The following ARHGEF17 variants were observed in gnomAD, a reference collection of about 807,000 sequenced individuals.
ARHGEF17 encodes the protein Rho guanine nucleotide exchange factor 17, also known as 164 kDa Rho-specific guanine-nucleotide exchange factor.
ARHGEF17 carries 80 observed loss-of-function variants against 174.0 expected under a neutral mutation model. The ratio of observed to expected loss-of-function variants is 0.46; its 90% CI spans 0.38 to 0.55. The LOEUF (loss-of-function observed/expected upper bound fraction) is 0.55. Among genes scored for constraint, ARHGEF17 ranks in the 20% least tolerant of loss-of-function variants. The pLI is 0.00. For missense variants in ARHGEF17, 2,886 were observed against 2,839.7 expected (o/e 1.02, Z -0.37); for synonymous variants, 1,311 against 1,189.1 (o/e 1.10, Z -2.11).
At chr11:73,326,435 C>T (rs570520695) in intron 1 of ARHGEF17, among the ~76,000 whole-genome samples, 2 of 152,252 alleles carry the variant, frequency 1.3e-5, no homozygotes, top group African/African-American at 4.8e-5. Context: ...TGGTAATTTC[C>T]AAGCTCACGG....
At chr11:73,343,249 C>G in intron 1 of ARHGEF17, 2 of 398,782 alleles carry the variant, frequency 5.0e-6, no homozygotes, top group Non-Finnish European at 8.8e-6. Flanking sequence ...GGCAGCAGCA[C>G]TGACGCCGAG....
intron 2 of ARHGEF17, among the ~76,000 whole-genome samples, chr11:73,347,574 A>G (rs938782070): frequency 6.6e-6 from 1 of 152,226 alleles, no homozygotes; most frequent in Non-Finnish European, 1.5e-5. Flanking sequence ...GAGGCCTGGC[A>G]CATTCGGAGG....
At chr11:73,324,878 C>T (rs900716831) in intron 1 of ARHGEF17, among the ~76,000 whole-genome samples, 1 of 152,196 alleles carries the variant, frequency 6.6e-6, no homozygotes, top group African/African-American at 2.4e-5. Context: ...TTGAGAGGCC[C>T]TTGGGGAGTG....
intron 1 of ARHGEF17, among the ~76,000 whole-genome samples, chr11:73,341,353 C>T (rs905939243): frequency 3.3e-5 from 5 of 152,256 alleles, no homozygotes; most frequent in African/African-American, 9.6e-5. Flanking sequence ...TGCAATGGTG[C>T]GACCTCAGCT....
intron 1 of ARHGEF17, among the ~76,000 whole-genome samples, chr11:73,312,745 TC>T (rs1330108707): frequency 6.6e-6 from 1 of 151,656 alleles, no homozygotes; most frequent in Non-Finnish European, 1.5e-5. Flanking sequence ...CGGTTCTTGT[TC>T]CCCCATCCTG....
chr11:73,346,021 G>A (rs1449718329), intron 1 of ARHGEF17, among the ~76,000 whole-genome samples: 1 of 152,028 alleles, frequency 6.6e-6, no homozygotes, highest in African/African-American at 2.4e-5. Context: ...TTCAGTCCCA[G>A]GGGCTGAACA....
chr11:73,343,629 G>A (rs906792309), intron 1 of ARHGEF17, among the ~76,000 whole-genome samples: 5 of 152,180 alleles, frequency 3.3e-5, no homozygotes, highest in Non-Finnish European at 7.3e-5. Flanking sequence ...GGAAAGTAGA[G>A]TCAGTTTTGC....
chr11:73,325,202 C>T (rs368859234), intron 1 of ARHGEF17, among the ~76,000 whole-genome samples: 6 of 152,180 alleles, frequency 3.9e-5, no homozygotes, highest in African/African-American at 9.7e-5. Flanking sequence ...GGCCCAGACC[C>T]GCAGCCAGCC....
intron 12 of ARHGEF17, among the ~76,000 whole-genome samples, chr11:73,361,374 A>C (rs546789191): frequency 6.6e-6 from 1 of 152,344 alleles, no homozygotes; most frequent in East Asian, 1.9e-4. Context: ...GTATCTGTGC[A>C]TGTGAACAAA....
Position 73,364,167 on chromosome 11 carries a change from C to T in ARHGEF17, c.5334-5C>T. On this transcript the variant is annotated splice_region_variant and splice_polypyrimidine_tract_variant and intron_variant, in intron 16 of 20. Coordinates refer to ENST00000263674, the MANE Select transcript of ARHGEF17 (RefSeq NM_014786.4). The stretch of plus-strand genomic sequence containing the variant: ...CCCTTACTGCTTCCTCTTTTCCCTA[C>T]CCAGGTATCTGAATAACCAGGTGTT... 6.2e-7 allele frequency: 1 copy of T among 1,614,056 alleles called. No homozygotes were observed.
intron 20 of ARHGEF17, 54 bp downstream of exon 20, chr11:73,366,001 C>A: frequency 6.4e-7 from 1 of 1,563,938 alleles, no homozygotes. Flanking sequence ...TGGTTTAGGA[C>A]TCCCCACTAT....
chr11:73,352,489 G>A (rs1179262474), intron 2 of ARHGEF17, among the ~76,000 whole-genome samples: 2 of 152,188 alleles, frequency 1.3e-5, no homozygotes, highest in African/African-American at 2.4e-5. Flanking sequence ...TACGTAGTAA[G>A]TGCTCAGTAA....
Position 73,310,065 on chromosome 11 carries a change from G to C in ARHGEF17, c.1427G>C (p.Ser476Thr). The C allele has an allele frequency of 6.2e-7, 1 of 1,614,198 alleles. No individual in the cohort carries two copies. The highest frequency in any genetic ancestry group is 8.5e-7 in the Non-Finnish European group (1 of 1,180,028). Residue 476 changes from serine (S) to threonine (T), a missense_variant, in exon 1 of 21, where the codon AGT (serine) becomes ACT (threonine). Physicochemically the swap from Ser to Thr is moderately conservative, Grantham distance 58. Coordinates refer to ENST00000263674, the MANE Select transcript of ARHGEF17 (RefSeq NM_014786.4). ...GCCTCAGAGACCCTGACGCTTCTCAGTTTCCTGCGCTCAGACCTTTCAGAG... is the reference window on the plus strand; with the variant it reads ...GCCTCAGAGACCCTGACGCTTCTCACTTTCCTGCGCTCAGACCTTTCAGAG... Reference protein sequence around the residue: ...DIASETLTLLSFLRSDLSELR... With the variant: ...DIASETLTLLTFLRSDLSELR...
chr11:73,346,154 G>A (rs1453591551), intron 1 of ARHGEF17, among the ~76,000 whole-genome samples: 1 of 152,110 alleles, frequency 6.6e-6, no homozygotes, highest in Non-Finnish European at 1.5e-5. Context: ...ATCGGTGTCT[G>A]GGTTTCCTTT....
intron 20 of ARHGEF17, among the ~76,000 whole-genome samples, chr11:73,366,926 G>A (rs1252932336): frequency 6.6e-6 from 1 of 152,148 alleles, no homozygotes; most frequent in Admixed American, 6.5e-5. Flanking sequence ...TGTAATCCCA[G>A]CTACTCGGGA....
Position 73,310,148 on chromosome 11 carries a change from G to A in ARHGEF17, c.1510G>A (p.Gly504Ser), listed in dbSNP as rs1462583273. The change falls in exon 1 of 21, where the codon GGC (glycine) becomes AGC (serine). Residue 504 changes from glycine (G) to serine (S), a missense_variant. Gly to Ser is a moderately conservative substitution (Grantham distance 56). Around this residue, in one of 4 missense-constraint regions of ARHGEF17, gnomAD observed 1,728 missense variants for 1,461.2 expected, o/e 1.18. Coordinates refer to ENST00000263674, the MANE Select transcript of ARHGEF17 (RefSeq NM_014786.4). ...GGACCGTGGAAGCAACCCCCTAGAT[G>A]GCAGAGACTCACCATCCGCAGGTGG... ...SGDRGSNPLD[G>S]RDSPSAGGPV... 3.7e-6 allele frequency: 6 copies of A among 1,613,984 alleles called. No homozygotes were observed. The highest frequency in any genetic ancestry group is 5.1e-6 in the Non-Finnish European group (6 of 1,179,988).
At chr11:73,314,258 C>T (rs1318377299) in intron 1 of ARHGEF17, among the ~76,000 whole-genome samples, 2 of 152,328 alleles carry the variant, frequency 1.3e-5, no homozygotes, top group East Asian at 3.9e-4. Context: ...GTATGGACTC[C>T]AGAATAAGCA....
At chr11:73,344,976 T>C (rs1326692879) in intron 1 of ARHGEF17, among the ~76,000 whole-genome samples, 3 of 152,156 alleles carry the variant, frequency 2.0e-5, no homozygotes, top group African/African-American at 7.2e-5. Context: ...GCAGTGGAAA[T>C]GGCAACACCT....
At chr11:73,356,848 T>C (rs1427773078) in intron 7 of ARHGEF17, 89 bp downstream of exon 7, 2 of 1,583,670 alleles carry the variant, frequency 1.3e-6, no homozygotes, top group Non-Finnish European at 1.7e-6. Flanking sequence ...CAGGTCTCCC[T>C]GCTCTTTCAC....
Sources: allele counts gnomAD v4.1 joint callset (sites outside exome capture counted in the v4.1 genomes callset), GRCh38; gene constraint gnomAD v4.1.1; regional missense constraint gnomAD v4.1.1; transcripts MANE v1.5; gene names NCBI Gene and HGNC (gene_info 2026-07-23, HGNC 2026-07-21).